The following HS3ST5 variants were observed in gnomAD, a reference collection of about 807,000 sequenced individuals.
HS3ST5 encodes heparan sulfate-glucosamine 3-sulfotransferase 5.
A neutral mutation model predicts 25.4 loss-of-function variants in HS3ST5; 10 were observed. That is an observed-to-expected ratio of 0.39 (90% CI 0.24 to 0.67). HS3ST5 has a LOEUF of 0.67. HS3ST5 is among the 30% of genes least tolerant of loss of function. The probability of loss-of-function intolerance (pLI) is 0.44; values close to 1 mark genes in which losing one functional copy is unlikely to be tolerated. For synonymous variants in HS3ST5, 170 were observed against 162.4 expected, an observed-to-expected ratio of 1.05 and a Z score of -0.36; for missense variants, 324 against 420.7, an observed-to-expected ratio of 0.77 and a Z score of 2.01.
intron 3 of HS3ST5, among the ~76,000 whole-genome samples, chr6:114,148,992 A>G (rs1778309096): frequency 6.6e-6 from 1 of 152,254 alleles, no homozygotes; most frequent in Non-Finnish European, 1.5e-5. Flanking sequence ...GCTCATCATC[A>G]CTGATCATTA....
At chr6:114,238,449 G>A (rs2114571435) in intron 1 of HS3ST5, among the ~76,000 whole-genome samples, 1 of 152,058 alleles carries the variant, frequency 6.6e-6, no homozygotes, top group East Asian at 1.9e-4. Context: ...AAGAAGAATA[G>A]GAAAAAAATA....
intron 3 of HS3ST5, among the ~76,000 whole-genome samples, chr6:114,109,887 G>T (rs1342291838): frequency 6.6e-6 from 1 of 152,204 alleles, no homozygotes; most frequent in Non-Finnish European, 1.5e-5. Context: ...CATAGTCTTT[G>T]CCTTCATGGT....
intron 1 of HS3ST5, among the ~76,000 whole-genome samples, chr6:114,279,373 G>T (rs1774003765): frequency 6.6e-6 from 1 of 152,028 alleles, no homozygotes; most frequent in African/African-American, 2.4e-5. Context: ...ATGGGGTTCT[G>T]CCACAGAAGC....
At chr6:114,185,361 G>A (rs1431084219) in intron 2 of HS3ST5, among the ~76,000 whole-genome samples, 1 of 152,094 alleles carries the variant, frequency 6.6e-6, no homozygotes, top group Non-Finnish European at 1.5e-5. Flanking sequence ...CCCTCCTTCT[G>A]CCATGTGAAG....
At chr6:114,074,406 G>A (rs1001814676) in intron 3 of HS3ST5, among the ~76,000 whole-genome samples, 5 of 151,720 alleles carry the variant, frequency 3.3e-5, no homozygotes, top group Admixed American at 2.6e-4. Flanking sequence ...GTATTTACCA[G>A]GACATCACTA....
intron 1 of HS3ST5, among the ~76,000 whole-genome samples, chr6:114,276,803 A>G (rs1049514146): frequency 1.3e-5 from 2 of 152,050 alleles, no homozygotes; most frequent in South Asian, 4.1e-4. Flanking sequence ...AAGCATATGC[A>G]TTTGTTCCTT....
chr6:114,181,338 A>G (rs1213276268), intron 2 of HS3ST5, among the ~76,000 whole-genome samples: 1 of 152,260 alleles, frequency 6.6e-6, no homozygotes, highest in Non-Finnish European at 1.5e-5. Context: ...GATGTTGCCC[A>G]TAATGAAATT....
intron 1 of HS3ST5, among the ~76,000 whole-genome samples, chr6:114,250,401 G>A (rs1052803620): frequency 6.6e-6 from 1 of 152,134 alleles, no homozygotes; most frequent in African/African-American, 2.4e-5. Flanking sequence ...CTAACACGGT[G>A]AAACCCCGTC....
intron 2 of HS3ST5, among the ~76,000 whole-genome samples, chr6:114,195,797 C>G (rs941045934): frequency 1.3e-5 from 2 of 152,102 alleles, no homozygotes; most frequent in Non-Finnish European, 2.9e-5. Context: ...TGGTTGAATT[C>G]TTTCAAACAA....
At chr6:114,224,697 T>TACAC (rs67203600) in intron 2 of HS3ST5, among the ~76,000 whole-genome samples, 56,609 of 145,190 alleles carry the variant, frequency 0.39, 11,911 homozygotes, top group South Asian at 0.61. Context: ...CATATATATA[T>TACAC]ATACACACAC....
In HS3ST5 at chr6:114,086,249, G is replaced by A. The variant is rs1203215732; in HGVS notation, c.-32-23372C>T. Among the ~76,000 whole-genome samples, 3 of 152,108 alleles carry A rather than the reference G, an allele frequency of 2.0e-5. No homozygotes were observed. The East Asian group carries it at 5.8e-4, about 29-fold the overall frequency. On this transcript the variant is annotated intron_variant, in intron 3 of 4. Transcript: ENST00000312719. ...AACTTAAGATAGGGAGATCACTCAG[G>A]TGGGTCTAATTTAATCAGATAAGCC...
chr6:114,152,076 G>A (rs955617498), intron 3 of HS3ST5, among the ~76,000 whole-genome samples: 2 of 151,938 alleles, frequency 1.3e-5, no homozygotes, highest in African/African-American at 2.4e-5. Context: ...GACTACAGGC[G>A]CGTGCCACCA....
At chr6:114,314,562 G>GA (rs2114856774) in intron 1 of HS3ST5, among the ~76,000 whole-genome samples, 1 of 152,216 alleles carries the variant, frequency 6.6e-6, no homozygotes, top group South Asian at 2.1e-4. Context: ...ATAGGCCCAA[G>GA]AAGTCCCTGA....
intron 1 of HS3ST5, among the ~76,000 whole-genome samples, chr6:114,297,211 T>A (rs1037322788): frequency 6.6e-6 from 1 of 152,046 alleles, no homozygotes; most frequent in African/African-American, 2.4e-5. Flanking sequence ...TGAGTGTTTT[T>A]TTTTTAGATA....
chr6:114,333,953 G>C (rs547395347), intron 1 of HS3ST5, among the ~76,000 whole-genome samples: 1 of 152,304 alleles, frequency 6.6e-6, no homozygotes, highest in South Asian at 2.1e-4. Context: ...CCAAGCATCT[G>C]CAAGCCCATC....
chr6:114,253,590 G>GCCTCCT (rs1401826150), intron 1 of HS3ST5, among the ~76,000 whole-genome samples: 1 of 152,180 alleles, frequency 6.6e-6, no homozygotes, highest in Non-Finnish European at 1.5e-5. Flanking sequence ...AGCAGAGGAG[G>GCCTCCT]CTGTGGGCTT....
chr6:114,176,132 T>C (rs1031340237), intron 2 of HS3ST5, among the ~76,000 whole-genome samples: 1 of 152,220 alleles, frequency 6.6e-6, no homozygotes, highest in Admixed American at 6.5e-5. Flanking sequence ...TACTGAACTG[T>C]ATTTTCATCT....
At chr6:114,073,753 C>A (rs1312237101) in intron 3 of HS3ST5, among the ~76,000 whole-genome samples, 2 of 152,172 alleles carry the variant, frequency 1.3e-5, no homozygotes, top group African/African-American at 4.8e-5. Flanking sequence ...CCTCAAGGAT[C>A]TAGAACCAGA....
chr6:114,147,292 C>A (rs890666497), intron 3 of HS3ST5, among the ~76,000 whole-genome samples: 1 of 152,154 alleles, frequency 6.6e-6, no homozygotes, highest in Non-Finnish European at 1.5e-5. Flanking sequence ...TATTTTCCAG[C>A]CTCCCTTGCA....
Sources: allele counts gnomAD v4.1 joint callset (sites outside exome capture counted in the v4.1 genomes callset), GRCh38; gene constraint gnomAD v4.1.1; transcripts MANE v1.5; gene names NCBI Gene and HGNC (gene_info 2026-07-23, HGNC 2026-07-21).